The following ENTHD1 variants were observed in gnomAD, a reference collection of about 807,000 sequenced individuals.
ENTHD1 encodes the protein ENTH domain-containing protein 1.
A neutral mutation model predicts 39.1 loss-of-function variants in ENTHD1; 23 were observed. That is an observed-to-expected ratio of 0.59 (90% CI 0.42 to 0.83). The LOEUF is 0.83. ENTHD1 is among the 40% of genes least tolerant of loss of function. ENTHD1 has a pLI of 0.00. For missense variants in ENTHD1, 624 were observed against 705.4 expected (o/e 0.88, Z 1.31); for synonymous variants, 230 against 258.2 (o/e 0.89, Z 1.05).
intron 5 of ENTHD1, among the ~76,000 whole-genome samples, chr22:39,789,109 TTATC>T (rs1377339444): frequency 6.6e-6 from 1 of 152,190 alleles, no homozygotes; most frequent in East Asian, 1.9e-4. Flanking sequence ...TCACATTTTC[TTATC>T]TATCCATCTA....
intron 5 of ENTHD1, among the ~76,000 whole-genome samples, chr22:39,778,190 T>C (rs1201093092): frequency 6.6e-6 from 1 of 152,142 alleles, no homozygotes; most frequent in Non-Finnish European, 1.5e-5. Context: ...TCTGAAGAAG[T>C]GGGATTACAG....
chr22:39,814,658 G>A (rs1178458163), intron 5 of ENTHD1, among the ~76,000 whole-genome samples: 1 of 152,128 alleles, frequency 6.6e-6, no homozygotes, highest in Non-Finnish European at 1.5e-5. Flanking sequence ...AGTTCACTTG[G>A]GAAAGGACAG....
chr22:39,827,726 A>G (rs1025800298), intron 4 of ENTHD1, among the ~76,000 whole-genome samples: 2 of 152,198 alleles, frequency 1.3e-5, no homozygotes, highest in African/African-American at 2.4e-5. Context: ...CTGTGTACCA[A>G]TAAACTGGTA....
chr22:39,790,508 C>T (rs1437270073), intron 5 of ENTHD1, among the ~76,000 whole-genome samples: 1 of 152,170 alleles, frequency 6.6e-6, no homozygotes, highest in Non-Finnish European at 1.5e-5. Context: ...CTGCTGAGGT[C>T]TTTCTGCCCT....
At chr22:39,801,237 T>C (rs191110610) in intron 5 of ENTHD1, among the ~76,000 whole-genome samples, 25 of 152,376 alleles carry the variant, frequency 1.6e-4, no homozygotes, top group Non-Finnish European at 3.4e-4. Context: ...TTTAAATCTG[T>C]ATTTATTCTA....
At chr22:39,892,688 A>T (rs2066436467) in intron 1 of ENTHD1, among the ~76,000 whole-genome samples, 1 of 151,712 alleles carries the variant, frequency 6.6e-6, no homozygotes, top group Non-Finnish European at 1.5e-5. Flanking sequence ...TGACAATAGC[A>T]TCTAAGAGGC....
chr22:39,855,030 A>G (rs2066073683), intron 3 of ENTHD1, among the ~76,000 whole-genome samples: 1 of 152,162 alleles, frequency 6.6e-6, no homozygotes, highest in African/African-American at 2.4e-5. Context: ...TCTACAGTCT[A>G]TCTTTAAACA....
intron 2 of ENTHD1, chr22:39,875,199 TGA>T: frequency 2.6e-6 from 2 of 781,616 alleles, no homozygotes; most frequent in Non-Finnish European, 3.4e-6. Flanking sequence ...AACATTATGT[TGA>T]GAGAAGCCAG....
intron 3 of ENTHD1, among the ~76,000 whole-genome samples, chr22:39,848,779 C>T (rs1329140950): frequency 1.3e-5 from 2 of 152,096 alleles, no homozygotes; most frequent in African/African-American, 4.8e-5. Flanking sequence ...AAATAATGTG[C>T]ACTTTTTCTG....
intron 2 of ENTHD1, among the ~76,000 whole-genome samples, chr22:39,876,763 G>A (rs957871803): frequency 6.6e-6 from 1 of 152,054 alleles, no homozygotes; most frequent in African/African-American, 2.4e-5. Flanking sequence ...TGAAGAAAGG[G>A]AAATTTTTGT....
intron 3 of ENTHD1, among the ~76,000 whole-genome samples, chr22:39,838,845 GA>G (rs1364044729): frequency 1.3e-5 from 2 of 151,798 alleles, no homozygotes; most frequent in African/African-American, 4.8e-5. Flanking sequence ...TTTTATATTA[GA>G]ATAAAATTCT....
intron 3 of ENTHD1, among the ~76,000 whole-genome samples, chr22:39,850,544 T>C (rs1159492175): frequency 1.3e-5 from 2 of 152,180 alleles, no homozygotes; most frequent in East Asian, 3.8e-4. Flanking sequence ...ATTATTAATC[T>C]ATCTGGGCTT....
At chr22:39,792,024 A>G (rs2065508295) in intron 5 of ENTHD1, among the ~76,000 whole-genome samples, 1 of 152,130 alleles carries the variant, frequency 6.6e-6, no homozygotes, top group African/African-American at 2.4e-5. Flanking sequence ...TGCTAAGGAT[A>G]ATGGTCCCCA....
At position 39,876,194 on chromosome 22, in the gene ENTHD1, C is replaced by T; in HGVS notation, c.349+11206G>A. 7.1e-6 allele frequency: 10 copies of T among 1,417,218 alleles called. No individual in the cohort carries two copies. The South Asian group carries it at 1.5e-4, about 21-fold the overall frequency. The allele number at this position is 1,417,218 out of a possible 1,614,324, so 87.8% of individuals were successfully genotyped here. On this transcript the variant is annotated intron_variant, in intron 2 of 6. Transcript: ENST00000325157. ...CTTATTTGAGAGGAAGCCTTCTGTA[C>T]TTGAAGTTGATTTGAAATATGTAAG...
chr22:39,807,658 C>T (rs965263912), intron 5 of ENTHD1, among the ~76,000 whole-genome samples: 1 of 152,192 alleles, frequency 6.6e-6, no homozygotes, highest in Non-Finnish European at 1.5e-5. Flanking sequence ...TCTCTCCTCA[C>T]TTGGTTTGGC....
chr22:39,802,270 C>G (rs982668313), intron 5 of ENTHD1, among the ~76,000 whole-genome samples: 3 of 152,190 alleles, frequency 2.0e-5, no homozygotes, highest in Non-Finnish European at 1.5e-5. Flanking sequence ...ACATGGGAGT[C>G]TCCAGAGATA....
At chr22:39,827,291 A>G (rs2065834776) in intron 4 of ENTHD1, among the ~76,000 whole-genome samples, 1 of 152,172 alleles carries the variant, frequency 6.6e-6, no homozygotes, top group Non-Finnish European at 1.5e-5. Context: ...CTGGGATTAC[A>G]GGCATGAACC....
chr22:39,816,980 A>G (rs769691796), intron 5 of ENTHD1, among the ~76,000 whole-genome samples: 90 of 152,174 alleles, frequency 5.9e-4, no homozygotes, highest in Non-Finnish European at 1.0e-3. Flanking sequence ...AATGAAAAAA[A>G]TAAAAAATAG....
chr22:39,762,938 A>G (rs1430528477), intron 6 of ENTHD1, among the ~76,000 whole-genome samples: 1 of 151,834 alleles, frequency 6.6e-6, no homozygotes, highest in Non-Finnish European at 1.5e-5. Flanking sequence ...TTCATATCCT[A>G]GTATGCTTGG....
Sources: allele counts gnomAD v4.1 joint callset (sites outside exome capture counted in the v4.1 genomes callset), GRCh38; gene constraint gnomAD v4.1.1; transcripts MANE v1.5; gene names NCBI Gene and HGNC (gene_info 2026-07-23, HGNC 2026-07-21).